LIX1L: variants seen among roughly 807,000 people sequenced by gnomAD.
The protein encoded by LIX1L is limb and CNS expressed 1 like, also known as LIX1-like protein.
LIX1L carries 20 observed loss-of-function variants against 34.0 expected under a neutral mutation model. The ratio of observed to expected loss-of-function variants is 0.59; its 90% confidence interval spans 0.41 to 0.85. LIX1L has a LOEUF of 0.85. LIX1L is among the 40% of genes least tolerant of loss of function. The pLI, the probability that LIX1L is intolerant of heterozygous loss-of-function variation, is 0.00. For synonymous variants in LIX1L, 170 were observed against 187.4 expected (o/e 0.91, Z 0.76); for missense variants, 397 against 447.0 (o/e 0.89, Z 1.01).
intron 1 of LIX1L, among the ~76,000 whole-genome samples, chr1:145,955,313 A>G (rs1378155161): frequency 6.6e-6 from 1 of 152,242 alleles, no homozygotes; most frequent in Non-Finnish European, 1.5e-5. Flanking sequence ...TTTAAAATAA[A>G]TAAGTAAATA....
Position 145,957,806 on chromosome 1 carries a change from C to T in LIX1L, c.122G>A (p.Gly41Asp). The T allele has an allele frequency of 1.5e-6, 2 of 1,357,240 alleles. No homozygotes were observed. Among genetic ancestry groups the T allele is most frequent in the South Asian group, 1.8e-5 (1 of 54,498 alleles). The allele number at this position is 1,357,240 out of a possible 1,614,324, so 84.1% of individuals were successfully genotyped here. Residue 41 changes from glycine to aspartate, a missense_variant, in exon 1 of 6, where the codon GGC (glycine) becomes GAC (aspartate). This residue lies in a region of LIX1L where 207 missense variants were observed against 205.2 expected (regional missense o/e 1.01). Coordinates refer to ENST00000604000, the MANE Select transcript of LIX1L (RefSeq NM_153713.3). Reference sequence around the variant, plus strand: ...GGGAGGCGGCGGGGCAGGCGGGGGGCCCGCAGGGGGTGTGGCGGTGGCGGC... The same window carrying T: ...GGGAGGCGGCGGGGCAGGCGGGGGGTCCGCAGGGGGTGTGGCGGTGGCGGC... The part of the protein sequence containing the change: ...AAAATATPPA[G>D]PPPAPPPPAP...
chr1:145,941,360 C>T (rs1292043115), intron 3 of LIX1L: 1 of 150,596 alleles, frequency 6.6e-6, no homozygotes, highest in African/African-American at 2.4e-5. Context: ...TCAAGCAATT[C>T]TCCTGCCTCG....
chr1:145,937,559 G>C lies in LIX1L; in HGVS notation c.693+45C>G, dbSNP rs587758443. On this transcript the variant is annotated intron_variant, in intron 4 of 5. Transcript: ENST00000604000. ...GGAGCCATTATATATTACAGTAGCA[G>C]GCTGACCCATGTTATTAGAACCAGG... The C allele has an allele frequency of 4.2e-6, 5 of 1,182,980 alleles. No homozygotes were observed. In the Admixed American group the frequency reaches 8.8e-5, roughly 21 times the overall value. The allele number at this position is 1,182,980 out of a possible 1,614,324, so 73.3% of individuals were successfully genotyped here.
At chr1:145,938,197 T>A (rs927273634) in intron 3 of LIX1L, among the ~76,000 whole-genome samples, 3 of 152,182 alleles carry the variant, frequency 2.0e-5, no homozygotes, top group Non-Finnish European at 2.9e-5. Context: ...AATATTATTT[T>A]TCAACTGTAG....
intron 3 of LIX1L, among the ~76,000 whole-genome samples, chr1:145,941,380 G>A (rs1648910147): frequency 6.6e-6 from 1 of 151,376 alleles, no homozygotes; most frequent in African/African-American, 2.4e-5. Flanking sequence ...GGCCTCCCGA[G>A]TAGCTGGGAT....
At position 145,935,942 on chromosome 1, in the gene LIX1L, G is replaced by A. The variant is rs1425329821; in HGVS notation, c.*368C>T. 2 of 244,088 alleles carry A rather than the reference G, an allele frequency of 8.2e-6. No individual in the cohort carries two copies. Among genetic ancestry groups the A allele is most frequent in the Non-Finnish European group, 1.6e-5 (2 of 123,812 alleles). The allele number at this position is 244,088 out of a possible 1,614,324, so 15.1% of individuals were successfully genotyped here. A position where few individuals can be genotyped will look rare whatever the true frequency, so the allele number is the denominator to read the frequency against. On this transcript the variant is annotated 3_prime_UTR_variant, in exon 6 of 6. Coordinates refer to ENST00000604000, the MANE Select transcript of LIX1L (RefSeq NM_153713.3). Reference sequence around the variant, plus strand: ...AAGCAGGAATGAGAGTAAGGGTGGGGCACATAATCCTTATTCAAGTTACCT... The same window carrying A: ...AAGCAGGAATGAGAGTAAGGGTGGGACACATAATCCTTATTCAAGTTACCT...
At chr1:145,956,385 A>C (rs907477892) in intron 1 of LIX1L, among the ~76,000 whole-genome samples, 9 of 152,196 alleles carry the variant, frequency 5.9e-5, no homozygotes, top group Non-Finnish European at 1.0e-4. Flanking sequence ...ACTATGAACC[A>C]ACAAATTTGA....
At chr1:145,939,062 A>C (rs925154068) in intron 3 of LIX1L, among the ~76,000 whole-genome samples, 8 of 150,626 alleles carry the variant, frequency 5.3e-5, no homozygotes, top group Non-Finnish European at 8.9e-5. Context: ...CTGCAGCCTC[A>C]ATCTCCCCAG....
Position 145,948,259 on chromosome 1 carries a change from G to A in LIX1L, c.293-477C>T, listed in dbSNP as rs1250369428. 5.9e-5 allele frequency among the ~76,000 whole-genome samples: 9 copies of A among 152,094 alleles called. No homozygotes were observed. The highest frequency in any genetic ancestry group is 2.2e-4 in the African/African-American group (9 of 41,406). Reference sequence around the variant, plus strand: ...TCACCCATTTCTGTAACTGCTTTACGTGTTTAATCACAGCAACTTTATGAA... The same window carrying A: ...TCACCCATTTCTGTAACTGCTTTACATGTTTAATCACAGCAACTTTATGAA... On this transcript the variant is annotated intron_variant, in intron 1 of 5. Coordinates refer to ENST00000604000, the MANE Select transcript of LIX1L (RefSeq NM_153713.3). This position sits in a 1 kb window ranked among gnomAD's most constrained non-coding sequence, Gnocchi z 4.0.
intron 1 of LIX1L, chr1:145,950,379 G>T (rs1225785305): frequency 6.6e-6 from 1 of 152,048 alleles, no homozygotes; most frequent in African/African-American, 2.4e-5. Context: ...TGTTGTTGTT[G>T]TTGTTGTTTT....
chr1:145,941,253 T>TTTCATC (rs1491461354), intron 3 of LIX1L: 7 of 160 alleles, frequency 0.044, no homozygotes, highest in Admixed American at 0.25. Context: ...TAATTACATC[T>TTTCATC]TTTTTTTTTT....
intron 1 of LIX1L, among the ~76,000 whole-genome samples, chr1:145,950,542 A>G (rs587736078): frequency 2.0e-5 from 3 of 151,364 alleles, no homozygotes; most frequent in South Asian, 2.1e-4. Flanking sequence ...AATTTTTTGT[A>G]TTTTTAGTAG....
chr1:145,938,123 G>GAA (rs1221307781), intron 3 of LIX1L, among the ~76,000 whole-genome samples: 2 of 115,254 alleles, frequency 1.7e-5, no homozygotes, highest in Admixed American at 8.8e-5. Flanking sequence ...CTCTGTCTCA[G>GAA]AAAAAAAAAA....
Position 145,957,940 on chromosome 1 carries a change from T to C in LIX1L, c.-13A>G. 1 of 1,463,326 alleles carries C rather than the reference T, an allele frequency of 6.8e-7. No homozygotes were observed. The highest frequency in any genetic ancestry group is 9.0e-7 in the Non-Finnish European group (1 of 1,108,764). The allele number at this position is 1,463,326 out of a possible 1,614,324, so 90.6% of individuals were successfully genotyped here. A position where few individuals can be genotyped will look rare whatever the true frequency, so the allele number is the denominator to read the frequency against. On this transcript the variant is annotated 5_prime_UTR_variant, in exon 1 of 6. Transcript: ENST00000604000. ...GCATAGTCTCCATCCCGGCCGCCAA[T>C]GGAGTAGCGCCCCGGAGCCTGCCAG...
intron 3 of LIX1L, among the ~76,000 whole-genome samples, chr1:145,940,612 G>A (rs1254474621): frequency 2.8e-5 from 4 of 141,628 alleles, no homozygotes; most frequent in South Asian, 2.2e-4. Context: ...GTGCAATGGC[G>A]TGATCTCGGC....
chr1:145,949,858 C>T (rs1335764094), intron 1 of LIX1L, among the ~76,000 whole-genome samples: 1 of 151,270 alleles, frequency 6.6e-6, no homozygotes, highest in Non-Finnish European at 1.5e-5. Flanking sequence ...ACTCTGTTGC[C>T]CAGGCTGGAG....
intron 1 of LIX1L, among the ~76,000 whole-genome samples, chr1:145,957,288 A>AC (rs1451438644): frequency 1.3e-5 from 2 of 152,244 alleles, no homozygotes; most frequent in Non-Finnish European, 2.9e-5. Flanking sequence ...GAAATAAAAG[A>AC]CAGGATCCCA....
chr1:145,957,739 T>C lies in LIX1L; in HGVS notation c.189A>G (p.Gly63=). 7.0e-7 allele frequency: 1 copy of C among 1,436,376 alleles called. No individual in the cohort carries two copies. The highest frequency in any genetic ancestry group is 2.5e-4 in the Middle Eastern group (1 of 4,006). The allele number at this position is 1,436,376 out of a possible 1,614,324, so 89.0% of individuals were successfully genotyped here. The change falls in exon 1 of 6, where the codon GGA becomes GGG. Residue 63 remains glycine (G), a synonymous_variant. Coordinates refer to ENST00000604000, the MANE Select transcript of LIX1L (RefSeq NM_153713.3). The part of the protein sequence containing the change: ...PPPLLLSGAP[G]LPLPPGAAGS... ...CGGCGGCGCCGGGGGGCAGGGGTAG[T>C]CCTGGGGCCCCAGACAGGAGCAGCG... is the stretch of plus-strand genomic sequence containing the variant.
intron 5 of LIX1L, 125 bp from the exon 6 acceptor site, chr1:145,936,677 A>G: frequency 1.7e-6 from 2 of 1,195,072 alleles, no homozygotes; most frequent in South Asian, 2.9e-5. Context: ...TAAGTTCTTC[A>G]AGGAGATTCT....
Sources: gnomAD v4.1 joint callset for allele counts (sites outside exome capture counted in the v4.1 genomes callset) on GRCh38, gnomAD v4.1.1 for gene constraint, gnomAD v4.1.1 regional missense constraint, Gnocchi (gnomAD v3.1) non-coding constraint, MANE v1.5 for transcripts, NCBI Gene and HGNC (gene_info 2026-07-23, HGNC 2026-07-21) for gene names.